SMOC2: variants seen among roughly 807,000 people sequenced by gnomAD.
SMOC2 encodes SPARC related modular calcium binding 2.
SMOC2 carries 39 observed loss-of-function variants against 61.4 expected under a neutral mutation model. The observed-to-expected ratio is 0.64, with a 90% CI of 0.49 to 0.83. The LOEUF (loss-of-function observed/expected upper bound fraction) is 0.83, where lower values mean the gene tolerates loss of function less well. Among genes scored for constraint, SMOC2 ranks in the 40% least tolerant of loss-of-function variants. The pLI is 0.00. For synonymous variants in SMOC2, 247 were observed against 239.9 expected, an observed-to-expected ratio of 1.03 and a Z score of -0.27; for missense variants, 556 against 592.9, an observed-to-expected ratio of 0.94 and a Z score of 0.65.
At chr6:168,568,856 G>A (rs867676561) in intron 7 of SMOC2, among the ~76,000 whole-genome samples, 9 of 152,134 alleles carry the variant, frequency 5.9e-5, no homozygotes, top group African/African-American at 1.9e-4. Context: ...TTCGTTTAAG[G>A]TTCCCCCGTG....
intron 8 of SMOC2, among the ~76,000 whole-genome samples, chr6:168,606,269 C>T (rs1287435699): frequency 2.6e-5 from 4 of 152,268 alleles, no homozygotes; most frequent in East Asian, 3.9e-4. Flanking sequence ...CTGACCCCCA[C>T]CCCCACATTT....
At chr6:168,622,975 A>T (rs966067319) in intron 9 of SMOC2, among the ~76,000 whole-genome samples, 1 of 152,176 alleles carries the variant, frequency 6.6e-6, no homozygotes, top group East Asian at 1.9e-4. Context: ...CTTAGTGCAC[A>T]CTGGGAAGGG....
rs994971481 is a variant in SMOC2 at position 168,603,915 on chromosome 6, G to A, written c.825-4242G>A. 1.2e-4 allele frequency among the ~76,000 whole-genome samples: 18 copies of A among 152,228 alleles called. 1 individual carries two copies. The highest frequency in any genetic ancestry group is 4.1e-4 in the African/African-American group (17 of 41,454). Reference sequence around the variant, plus strand: ...AACCCAGTGCAGTTTTTATCAAAAGGTGGGGTGTATCAGTTAGGAAGCTTT... The same window carrying A: ...AACCCAGTGCAGTTTTTATCAAAAGATGGGGTGTATCAGTTAGGAAGCTTT... On this transcript the variant is annotated intron_variant, in intron 8 of 12. Coordinates refer to ENST00000356284, the MANE Select transcript of SMOC2 (RefSeq NM_001166412.2).
At chr6:168,505,589 G>A (rs1234895598) in intron 1 of SMOC2, among the ~76,000 whole-genome samples, 3 of 152,178 alleles carry the variant, frequency 2.0e-5, no homozygotes, top group South Asian at 2.1e-4. Flanking sequence ...CTCAGATGCC[G>A]GATGAATGAC....
chr6:168,513,141 GT>G (rs1335038040), intron 2 of SMOC2, among the ~76,000 whole-genome samples: 1 of 152,168 alleles, frequency 6.6e-6, no homozygotes, highest in East Asian at 1.9e-4. Flanking sequence ...TTTGACTATA[GT>G]AGCAGCAATA....
Position 168,664,382 on chromosome 6 carries a change from ATCTTTTTTTTTT to A in SMOC2, c.1323+273_1323+284del, listed in dbSNP as rs1230765950. ...ATTTCTGAGTTTCCTTGTTTGGTAG[ATCTTTTTTTTTT>A]TTTTTTTTTTTTTTTTTTTTTTAAG... On this transcript the variant is annotated intron_variant, in intron 12 of 12. Coordinates refer to ENST00000356284, the MANE Select transcript of SMOC2 (RefSeq NM_001166412.2). The A allele has an allele frequency of 6.7e-4, 203 of 302,742 alleles. 1 individual carries two copies. In the African/African-American group the frequency reaches 7.4e-3, roughly 11 times the overall value. The allele number at this position is 302,742 out of a possible 1,614,324, so 18.8% of individuals were successfully genotyped here.
At chr6:168,521,197 G>A (rs145037107) in intron 2 of SMOC2, among the ~76,000 whole-genome samples, 28,998 of 151,988 alleles carry the variant, frequency 0.19, 2,955 homozygotes, top group Admixed American at 0.25. Context: ...CACCCAGGCT[G>A]GAGTATGGTG....
chr6:168,626,878 C>T (rs1786426019), intron 9 of SMOC2, among the ~76,000 whole-genome samples: 1 of 152,150 alleles, frequency 6.6e-6, no homozygotes, highest in Non-Finnish European at 1.5e-5. Context: ...GACCCGGGGC[C>T]CTGACAGCCC....
intron 9 of SMOC2, among the ~76,000 whole-genome samples, chr6:168,647,206 A>G (rs373084520): frequency 9.7e-4 from 148 of 152,342 alleles, no homozygotes; most frequent in African/African-American, 3.4e-3. Flanking sequence ...GACTGGGTAC[A>G]TCGCTGAGCC....
chr6:168,516,939 C>G (rs979132379), intron 2 of SMOC2, among the ~76,000 whole-genome samples: 2 of 152,136 alleles, frequency 1.3e-5, no homozygotes, highest in African/African-American at 4.8e-5. Flanking sequence ...GGCGACAACA[C>G]TGAAACTCCG....
At position 168,554,198 on chromosome 6, in the gene SMOC2, T is replaced by A. The variant is rs1179801389; in HGVS notation, c.637+4995T>A. Among the ~76,000 whole-genome samples, 3 of 152,244 alleles carry A rather than the reference T, an allele frequency of 2.0e-5. No homozygotes were observed. The East Asian group carries it at 5.8e-4, about 29-fold the overall frequency. ...TCTGTCACGTACAGTGAGGCTGCCA[T>A]CATGTTGTTTTCAGGTGCCATAGTC... On this transcript the variant is annotated intron_variant, in intron 7 of 12. Coordinates refer to ENST00000356284, the MANE Select transcript of SMOC2 (RefSeq NM_001166412.2).
At chr6:168,441,625 A>G (rs1367309499) in intron 1 of SMOC2, among the ~76,000 whole-genome samples, 171 bp downstream of exon 1, 1 of 152,084 alleles carries the variant, frequency 6.6e-6, no homozygotes, top group Non-Finnish European at 1.5e-5. Flanking sequence ...GGTAGGACGC[A>G]GCGTGCGCGC....
At chr6:168,645,497 C>G (rs1030859948) in intron 9 of SMOC2, among the ~76,000 whole-genome samples, 5 of 152,210 alleles carry the variant, frequency 3.3e-5, no homozygotes, top group African/African-American at 1.2e-4. Context: ...CTCCTCGGGC[C>G]TTTTCTCCCC....
chr6:168,443,824 G>A (rs1781270838), intron 1 of SMOC2, among the ~76,000 whole-genome samples: 1 of 152,178 alleles, frequency 6.6e-6, no homozygotes, highest in Non-Finnish European at 1.5e-5. Flanking sequence ...CAGTGGGTGG[G>A]ACCCACAGCT....
chr6:168,625,447 G>A (rs1786379387), intron 9 of SMOC2, among the ~76,000 whole-genome samples: 1 of 152,232 alleles, frequency 6.6e-6, no homozygotes, highest in Admixed American at 6.5e-5. Context: ...GCCCAGTGTG[G>A]CCTGAAGGTC....
chr6:168,652,400 C>T (rs112160782), intron 10 of SMOC2, among the ~76,000 whole-genome samples: 3,209 of 152,292 alleles, frequency 0.021, 131 homozygotes, highest in African/African-American at 0.073. Context: ...CTCCATCTCA[C>T]GGAGAAGGTG....
intron 9 of SMOC2, among the ~76,000 whole-genome samples, chr6:168,630,568 C>A (rs1786540786): frequency 6.6e-6 from 1 of 152,140 alleles, no homozygotes; most frequent in Non-Finnish European, 1.5e-5. Context: ...AATATGAAAT[C>A]TGGGCACCTT....
chr6:168,641,377 T>C (rs1786887146), intron 9 of SMOC2, among the ~76,000 whole-genome samples: 1 of 152,176 alleles, frequency 6.6e-6, no homozygotes, highest in African/African-American at 2.4e-5. Context: ...ACCCTCCGTG[T>C]CTCTTCACCA....
At chr6:168,658,857 G>T (rs1787394488) in intron 11 of SMOC2, among the ~76,000 whole-genome samples, 3 of 148,378 alleles carry the variant, frequency 2.0e-5, no homozygotes, top group Admixed American at 1.3e-4. Context: ...ATCACCTGCA[G>T]GACACAGCTC....
Sources: gnomAD v4.1 joint callset for allele counts (sites outside exome capture counted in the v4.1 genomes callset) on GRCh38, gnomAD v4.1.1 for gene constraint, MANE v1.5 for transcripts, NCBI Gene and HGNC (gene_info 2026-07-23, HGNC 2026-07-21) for gene names.